Variants in ARHGEF37 observed in about 807,000 individuals in gnomAD.
The protein encoded by ARHGEF37 is Rho guanine nucleotide exchange factor 37, also known as Rho guanine nucleotide exchange factor (GEF) 37.
Under a neutral mutation model 71.1 loss-of-function variants are expected in ARHGEF37, and 55 were observed. The ratio of observed to expected loss-of-function variants is 0.77; its 90% confidence interval spans 0.62 to 0.97. The LOEUF (loss-of-function observed/expected upper bound fraction) is 0.97. Ranked by LOEUF, ARHGEF37 falls within the 50% of genes least tolerant of loss-of-function variation. ARHGEF37 has a pLI of 0.00. For missense variants in ARHGEF37, 765 were observed against 836.8 expected, an observed-to-expected ratio of 0.91 and a Z score of 1.06; for synonymous variants, 327 against 350.6, an observed-to-expected ratio of 0.93 and a Z score of 0.75.
Position 149,633,946 on chromosome 5 carries a change from T to G in ARHGEF37, c.*1755T>G, listed in dbSNP as rs1326270180. 1 of 152,170 alleles carries G rather than the reference T, an allele frequency of 6.6e-6. No individual in the cohort carries two copies. Among genetic ancestry groups the G allele is most frequent in the African/African-American group, 2.4e-5 (1 of 41,446 alleles). 9.4% of individuals were successfully genotyped at this position (152,170 alleles called of 1,614,324 possible). A position where few individuals can be genotyped will look rare whatever the true frequency, so the allele number is the denominator to read the frequency against. ...TTCTCTCTGCTCTTTCCTGCTCAGA[T>G]TTCTGATAAAAATAGAGAGCATAGG... is the stretch of plus-strand genomic sequence containing the variant. On this transcript the variant is annotated 3_prime_UTR_variant, in exon 13 of 13. Transcript: ENST00000333677.
intron 3 of ARHGEF37, among the ~76,000 whole-genome samples, chr5:149,602,711 C>T (rs920783312): frequency 6.6e-6 from 1 of 152,014 alleles, no homozygotes; most frequent in African/African-American, 2.4e-5. Context: ...TCTGTCTCAT[C>T]CCATCTGCTG....
chr5:149,622,163 G>A, intron 9 of ARHGEF37, 101 bp downstream of exon 9: 1 of 1,257,522 alleles, frequency 8.0e-7, no homozygotes, highest in Non-Finnish European at 1.1e-6. Context: ...AGGGAGGATG[G>A]GCCTGAAAAC....
intron 7 of ARHGEF37, among the ~76,000 whole-genome samples, chr5:149,619,916 G>A (rs1188929456): frequency 1.3e-5 from 2 of 151,748 alleles, no homozygotes; most frequent in Non-Finnish European, 2.9e-5. Context: ...CTAAAAATAC[G>A]AAAAACATTA....
In ARHGEF37 at chr5:149,591,648, ATG is replaced by A. The variant is rs1763410921; in HGVS notation, c.-11-6110_-11-6109del. On this transcript the variant is annotated intron_variant, in intron 1 of 12. Transcript: ENST00000333677. Reference sequence around the variant, plus strand: ...CGCCGACTTATGATGATTCGACTTTATGAATTTTTGACTGTAAGATGGTGCAA... The same window carrying A: ...CGCCGACTTATGATGATTCGACTTTAAATTTTTGACTGTAAGATGGTGCAA... Among the ~76,000 whole-genome samples, 4 of 152,368 alleles carry A rather than the reference ATG, an allele frequency of 2.6e-5. No individual in the cohort carries two copies. In the South Asian group the frequency reaches 8.3e-4, roughly 32 times the overall value.
chr5:149,566,907 C>A lies in ARHGEF37; in HGVS notation c.-12+14784C>A, dbSNP rs545163142. ...CATGTCACTTATTCATTAAATACTTCAGTGTATATTTCCCAATAACAAGAC... is the reference window on the plus strand; with the variant it reads ...CATGTCACTTATTCATTAAATACTTAAGTGTATATTTCCCAATAACAAGAC... On this transcript the variant is annotated intron_variant, in intron 1 of 2. Transcript: ENST00000505810. 3.9e-5 allele frequency among the ~76,000 whole-genome samples: 6 copies of A among 152,200 alleles called. No homozygotes were observed. The South Asian group carries it at 1.2e-3, about 32-fold the overall frequency.
At chr5:149,564,459 G>A (rs140851754) in intron 1 of ARHGEF37, among the ~76,000 whole-genome samples, 11 of 152,158 alleles carry the variant, frequency 7.2e-5, no homozygotes, top group African/African-American at 2.7e-4. Flanking sequence ...TCCCGTTTAT[G>A]CATCTCAGGA....
chr5:149,614,628 A>C (rs1357377837), intron 4 of ARHGEF37, among the ~76,000 whole-genome samples: 1 of 152,134 alleles, frequency 6.6e-6, no homozygotes, highest in Non-Finnish European at 1.5e-5. Context: ...CAGAGGATGG[A>C]GTCTTGCAAA....
At chr5:149,576,470 C>A (rs377045162) in intron 1 of ARHGEF37, among the ~76,000 whole-genome samples, 5 of 152,130 alleles carry the variant, frequency 3.3e-5, no homozygotes, top group Non-Finnish European at 7.4e-5. Context: ...TAGCAGAATG[C>A]CTGGCTTATA....
chr5:149,613,388 T>A (rs1752257823), intron 4 of ARHGEF37, among the ~76,000 whole-genome samples: 1 of 150,284 alleles, frequency 6.7e-6, no homozygotes, highest in African/African-American at 2.5e-5. Flanking sequence ...GCTCTGTCAC[T>A]CAGGCTGGAG....
At chr5:149,618,065 G>T in intron 5 of ARHGEF37, 111 bp from the exon 6 acceptor site, 2 of 1,455,356 alleles carry the variant, frequency 1.4e-6, no homozygotes, top group Non-Finnish European at 9.5e-7. Flanking sequence ...TCATGAATGT[G>T]ACCCTGATGG....
chr5:149,558,251 C>T (rs933550866), intron 1 of ARHGEF37, among the ~76,000 whole-genome samples: 1 of 152,084 alleles, frequency 6.6e-6, no homozygotes, highest in Non-Finnish European at 1.5e-5. Flanking sequence ...TTACGCCATG[C>T]AATCCCAGCA....
At chr5:149,579,795 T>G (rs1763071708), upstream of ARHGEF37, among the ~76,000 whole-genome samples, 1 of 151,972 alleles carries the variant, frequency 6.6e-6, no homozygotes, top group African/African-American at 2.4e-5. Context: ...TTGGCCAGGC[T>G]GGCCTCGAAC....
rs745962223 is a variant in ARHGEF37, at chr5:149,609,553, A to G, written c.316A>G (p.Ile106Val). The change falls in exon 4 of 13, where the codon ATA becomes GTA. Residue 106 changes from isoleucine to valine, a missense_variant. Physicochemically the swap from Ile to Val is conservative, Grantham distance 29. Around this residue, in one of 5 missense-constraint regions of ARHGEF37, gnomAD observed 201 missense variants for 217.5 expected, o/e 0.92. Coordinates refer to ENST00000333677, the MANE Select transcript of ARHGEF37 (RefSeq NM_001001669.3). ...TGTTGCGTCTTCACTCTCAGGTAAC[A>G]TATTTCTGGAATTCCAAGAGGAGTT... ...EEEQVQLVGN[I>V]FLEFQEELEQ... 19 of 1,613,858 alleles carry G rather than the reference A, an allele frequency of 1.2e-5. No homozygotes were observed. Among genetic ancestry groups the G allele is most frequent in the Admixed American group, 1.7e-5 (1 of 60,002 alleles).
At position 149,632,244 on chromosome 5, in the gene ARHGEF37, C is replaced by T; in HGVS notation, c.*53C>T. 1 of 1,585,576 alleles carries T rather than the reference C, an allele frequency of 6.3e-7. No homozygotes were observed. The highest frequency in any genetic ancestry group is 2.3e-5 in the East Asian group (1 of 44,400). ...AAATGATGGGGGAGGCTTAGAGGCT[C>T]TGACCCTGGGGGGAAAAGAAGCAAA... On this transcript the variant is annotated 3_prime_UTR_variant, in exon 13 of 13. Coordinates refer to ENST00000333677, the MANE Select transcript of ARHGEF37 (RefSeq NM_001001669.3).
intron 1 of ARHGEF37, among the ~76,000 whole-genome samples, chr5:149,576,031 A>C (rs1008070031): frequency 6.6e-6 from 1 of 152,176 alleles, no homozygotes; most frequent in Non-Finnish European, 1.5e-5. Context: ...AGATCACCTG[A>C]AGTCAGGAGT....
intron 1 of ARHGEF37, among the ~76,000 whole-genome samples, chr5:149,591,031 C>T (rs991051713): frequency 6.6e-6 from 1 of 152,150 alleles, no homozygotes; most frequent in Non-Finnish European, 1.5e-5. Context: ...ACTGGGGAAA[C>T]ATGAGTGAAT....
In ARHGEF37 at chr5:149,624,128, T is replaced by C; in HGVS notation, c.1452T>C (p.Pro484=). 1 of 1,608,908 alleles carries C rather than the reference T, an allele frequency of 6.2e-7. No individual in the cohort carries two copies. Among genetic ancestry groups the C allele is most frequent in the Non-Finnish European group, 8.5e-7 (1 of 1,175,848 alleles). Residue 484 remains proline (P), a synonymous_variant, in exon 10 of 13, where the codon CCT becomes CCC. Transcript: ENST00000333677. ...AGACCTTTGAGAAAGTGCAGCCACC[T>C]CCCACCACACAAGTAAGCATCCTTC... ...FQETFEKVQP[P]PTTQPLLPGS...
chr5:149,558,403 G>A (rs1315771633), intron 1 of ARHGEF37, among the ~76,000 whole-genome samples: 1 of 152,172 alleles, frequency 6.6e-6, no homozygotes, highest in Non-Finnish European at 1.5e-5. Context: ...CTACTCAGGA[G>A]GCTGAGGCAG....
chr5:149,554,319 G>A (rs1260159457), intron 1 of ARHGEF37, among the ~76,000 whole-genome samples: 1 of 152,172 alleles, frequency 6.6e-6, no homozygotes, highest in African/African-American at 2.4e-5. Flanking sequence ...AACAGAGTGA[G>A]ACCTTGTCTC....
Sources: gnomAD v4.1 joint callset for allele counts (sites outside exome capture counted in the v4.1 genomes callset) on GRCh38, gnomAD v4.1.1 for gene constraint, gnomAD v4.1.1 regional missense constraint, MANE v1.5 for transcripts, NCBI Gene and HGNC (gene_info 2026-07-23, HGNC 2026-07-21) for gene names.